Variants in CLCN4 observed in about 807,000 individuals in gnomAD.
CLCN4 encodes Cl-/H+ antiporter 4.
CLCN4 carries 1 observed loss-of-function variant against 41.7 expected under a neutral mutation model. That is an observed-to-expected ratio of 0.02 (90% CI 0.01 to 0.11). The LOEUF (loss-of-function observed/expected upper bound fraction) is 0.11. Ranked by LOEUF, CLCN4 falls within the 10% of genes least tolerant of loss-of-function variation. The pLI is 1.00. For synonymous variants in CLCN4, 277 were observed against 285.8 expected (o/e 0.97, Z 0.31); for missense variants, 287 against 661.0 (o/e 0.43, Z 6.20).
chrX:10,182,817 G>A (rs1923717942), intron 2 of CLCN4, among the ~76,000 whole-genome samples: 1 of 112,686 alleles, frequency 8.9e-6, no homozygotes, highest in Non-Finnish European at 1.9e-5. Context: ...GCAGATCAGA[G>A]CCTGTTTATT....
rs1925177519 is a variant in CLCN4, at chrX:10,233,666, A to G, written c.*82A>G. 4 of 804,235 alleles carry G rather than the reference A, an allele frequency of 5.0e-6. No homozygotes were observed. The highest frequency in any genetic ancestry group is 7.4e-6 in the Non-Finnish European group (4 of 538,705). The allele number at this position is 804,235 out of a possible 1,213,427, so 66.3% of individuals were successfully genotyped here. On this transcript the variant is annotated 3_prime_UTR_variant, in exon 13 of 13. Transcript: ENST00000380833. ...AAATGATATGTTATTATCCCAATGA[A>G]AGATCATGCATTGGGGACAGCAGAA...
Position 10,229,685 on chromosome X carries a change from G to A in CLCN4, c.2193-3809G>A, listed in dbSNP as rs1433089999. On this transcript the variant is annotated intron_variant, in intron 12 of 12. Coordinates refer to ENST00000380833, the MANE Select transcript of CLCN4 (RefSeq NM_001830.4). ...TTGTGATAGTTTGCTCAGAATGATG[G>A]TTTCCAGCTTCATCCATGTCCCTAC... 2.7e-5 allele frequency among the ~76,000 whole-genome samples: 3 copies of A among 110,468 alleles called. No homozygotes were observed. In the East Asian group the frequency reaches 8.5e-4, roughly 31 times the overall value.
At chrX:10,222,373 C>T (rs935924641) in intron 12 of CLCN4, among the ~76,000 whole-genome samples, 3 of 111,272 alleles carry the variant, frequency 2.7e-5, no homozygotes, top group African/African-American at 9.8e-5. Context: ...GAGTAGGAGG[C>T]GGGGAATGGG....
chrX:10,196,626 G>A (rs1602150812), intron 5 of CLCN4, among the ~76,000 whole-genome samples: 1 of 102,499 alleles, frequency 9.8e-6, no homozygotes, highest in East Asian at 3.0e-4. Context: ...CTCTTTCTCA[G>A]TGGAATTGAA....
At position 10,233,591 on chromosome X, in the gene CLCN4, G is replaced by A; in HGVS notation, c.*7G>A. 2 of 1,163,349 alleles carry A rather than the reference G, an allele frequency of 1.7e-6. No individual in the cohort carries two copies. The highest frequency in any genetic ancestry group is 2.3e-6 in the Non-Finnish European group (2 of 851,851). ...ATCCATCATGTTTAATTAGCAACAA[G>A]GTGGCAATTATTTTCAGAAAAACAC... On this transcript the variant is annotated 3_prime_UTR_variant, in exon 13 of 13. Coordinates refer to ENST00000380833, the MANE Select transcript of CLCN4 (RefSeq NM_001830.4).
chrX:10,232,245 T>C (rs755894555), intron 12 of CLCN4, among the ~76,000 whole-genome samples: 1 of 112,161 alleles, frequency 8.9e-6, no homozygotes, highest in Non-Finnish European at 1.9e-5. Flanking sequence ...AATTCTGGCC[T>C]GACAGTTTGA....
intron 4 of CLCN4, among the ~76,000 whole-genome samples, chrX:10,193,741 T>C (rs765615260): frequency 8.9e-6 from 1 of 111,989 alleles, no homozygotes; most frequent in Non-Finnish European, 1.9e-5. Flanking sequence ...TGCATGTAAT[T>C]GAATGGTGTA....
At position 10,172,085 on chromosome X, in the gene CLCN4, A is replaced by G. The variant is rs1923398237; in HGVS notation, c.-11-12937A>G. Among the ~76,000 whole-genome samples, 3 of 112,410 alleles carry G rather than the reference A, an allele frequency of 2.7e-5. No individual in the cohort carries two copies. In the Admixed American group the frequency reaches 2.8e-4, roughly 11 times the overall value. On this transcript the variant is annotated intron_variant, in intron 2 of 12. Transcript: ENST00000380833. Reference sequence around the variant, plus strand: ...ATTCCCAGATGCCAGCCAAGGGCCAACCTTGCAAACAGGCCTTTCTAAGGA... The same window carrying G: ...ATTCCCAGATGCCAGCCAAGGGCCAGCCTTGCAAACAGGCCTTTCTAAGGA...
intron 8 of CLCN4, among the ~76,000 whole-genome samples, chrX:10,207,324 C>T (rs1924422181): frequency 8.9e-6 from 1 of 112,491 alleles, no homozygotes; most frequent in South Asian, 3.6e-4. Flanking sequence ...CTTAATTAAG[C>T]ATTTTTGATT....
intron 2 of CLCN4, among the ~76,000 whole-genome samples, chrX:10,161,165 C>T (rs1298709917): frequency 1.6e-4 from 17 of 106,831 alleles, no homozygotes; most frequent in Non-Finnish European, 1.5e-4. Context: ...CTCTCTCTGT[C>T]TGTCTCATCT....
intron 6 of CLCN4, among the ~76,000 whole-genome samples, chrX:10,205,607 C>A (rs1333146758): frequency 2.2e-5 from 2 of 90,655 alleles, no homozygotes; most frequent in African/African-American, 8.4e-5. Context: ...TGGCATATTC[C>A]TTTTTTTTTT....
At chrX:10,173,990 A>G (rs1923453026) in intron 2 of CLCN4, among the ~76,000 whole-genome samples, 1 of 111,978 alleles carries the variant, frequency 8.9e-6, no homozygotes, top group South Asian at 3.7e-4. Flanking sequence ...GCTGGGCAGC[A>G]TCTCTGGCTT....
chrX:10,208,677 A>C, intron 9 of CLCN4, 87 bp downstream of exon 9: 2 of 859,764 alleles, frequency 2.3e-6, no homozygotes, highest in Non-Finnish European at 3.2e-6. Context: ...TGCGGTGGGA[A>C]AAAAAGGGGA....
chrX:10,228,036 T>A (rs1925032837), intron 12 of CLCN4, among the ~76,000 whole-genome samples: 1 of 111,179 alleles, frequency 9.0e-6, no homozygotes, highest in Non-Finnish European at 1.9e-5. Flanking sequence ...AATAATCATA[T>A]CAGGGTAAAT....
At chrX:10,163,220 T>TG (rs1923153130) in intron 2 of CLCN4, among the ~76,000 whole-genome samples, 1 of 112,656 alleles carries the variant, frequency 8.9e-6, no homozygotes, top group Non-Finnish European at 1.9e-5. Flanking sequence ...TTTAGTGTGA[T>TG]GACGCATCTC....
chrX:10,175,330 G>A (rs1670850696), intron 2 of CLCN4, among the ~76,000 whole-genome samples: 1 of 111,313 alleles, frequency 9.0e-6, no homozygotes, highest in Admixed American at 9.5e-5. Context: ...GATGGAAAAA[G>A]GGGGAAGCAT....
chrX:10,171,802 A>G (rs986475898), intron 2 of CLCN4, among the ~76,000 whole-genome samples: 2 of 111,951 alleles, frequency 1.8e-5, no homozygotes, highest in Admixed American at 9.4e-5. Context: ...CACACAGAAC[A>G]TGCCTACTCC....
chrX:10,171,992 A>G (rs140031418), intron 2 of CLCN4, among the ~76,000 whole-genome samples: 1,303 of 112,274 alleles, frequency 0.012, 16 homozygotes, highest in African/African-American at 0.04. Flanking sequence ...GTATTTGGAC[A>G]AAGAGTTTAG....
intron 8 of CLCN4, 36 bp from the exon 9 acceptor site, chrX:10,208,009 C>A: frequency 8.7e-7 from 1 of 1,144,183 alleles, no homozygotes; most frequent in Non-Finnish European, 1.2e-6. Flanking sequence ...AGCTCTTTCT[C>A]CGGCCAGTCT....
Sources: allele counts gnomAD v4.1 joint callset (sites outside exome capture counted in the v4.1 genomes callset), GRCh38; gene constraint gnomAD v4.1.1; transcripts MANE v1.5; gene names NCBI Gene and HGNC (gene_info 2026-07-23, HGNC 2026-07-21).